LRRC18: variants seen among roughly 807,000 people sequenced by gnomAD.
LRRC18 encodes the protein leucine-rich repeat-containing protein 18.
Under a neutral mutation model 11.2 loss-of-function variants are expected in LRRC18, and 12 were observed. The observed-to-expected ratio is 1.07, with a 90% CI of 0.69 to 1.74. LRRC18 has a LOEUF of 1.74. Among genes scored for constraint, LRRC18 ranks in the 40% most tolerant of loss-of-function variants. The pLI, the probability that LRRC18 is intolerant of heterozygous loss-of-function variation, is 0.00. For missense variants in LRRC18, 374 were observed against 330.5 expected, an observed-to-expected ratio of 1.13 and a Z score of -1.02; for synonymous variants, 155 against 130.6, an observed-to-expected ratio of 1.19 and a Z score of -1.27.
At chr10:48,938,670 C>T in the LRRC18 span, among the ~76,000 whole-genome samples, 4 of 152,156 alleles carry the variant, frequency 2.6e-5, no homozygotes, top group Non-Finnish European at 5.9e-5. Context: ...GTAGGGAAGG[C>T]CCTAAGGCCA....
the LRRC18 span, among the ~76,000 whole-genome samples, chr10:48,937,504 C>T: frequency 6.6e-6 from 1 of 152,162 alleles, no homozygotes; most frequent in African/African-American, 2.4e-5. Context: ...AATTTCACCT[C>T]CCTGGCCTGT....
At chr10:48,927,376 G>A in the LRRC18 span, among the ~76,000 whole-genome samples, 1 of 152,162 alleles carries the variant, frequency 6.6e-6, no homozygotes, top group Non-Finnish European at 1.5e-5. Context: ...GTGGGTGGTG[G>A]GGGGAGGGGA....
the LRRC18 span, among the ~76,000 whole-genome samples, chr10:48,921,090 A>C: frequency 1.3e-5 from 2 of 152,234 alleles, no homozygotes; most frequent in Admixed American, 6.5e-5. Context: ...TCAAAATTAC[A>C]GGAGGATTAT....
At chr10:48,913,783 C>G in exon 1 of LRRC18, 1 of 1,614,058 alleles carries the variant, frequency 6.2e-7, no homozygotes, top group South Asian at 1.1e-5. Flanking sequence ...AGGTTCACAG[C>G]GCGGATGTTC....
the LRRC18 span, among the ~76,000 whole-genome samples, chr10:48,929,552 A>G: frequency 1.2e-4 from 18 of 152,196 alleles, no homozygotes; most frequent in South Asian, 2.1e-4. Context: ...TTCTCTGCCT[A>G]TACTTATTGT....
At chr10:48,925,756 G>C in the LRRC18 span, among the ~76,000 whole-genome samples, 1 of 152,070 alleles carries the variant, frequency 6.6e-6, no homozygotes, top group Admixed American at 6.5e-5. Context: ...ATCTTACAGG[G>C]ACTCCACAGT....
At chr10:48,920,436 C>T in the LRRC18 span, among the ~76,000 whole-genome samples, 4 of 151,960 alleles carry the variant, frequency 2.6e-5, no homozygotes, top group Admixed American at 6.6e-5. Flanking sequence ...TTAATGGGTG[C>T]AGCACACCAA....
chr10:48,935,706 A>G, the LRRC18 span, among the ~76,000 whole-genome samples: 2 of 152,214 alleles, frequency 1.3e-5, no homozygotes, highest in African/African-American at 4.8e-5. Context: ...GAGTAGCTAC[A>G]ATACTCATAA....
At chr10:48,911,106 G>A (rs1837960380) in intron 1 of LRRC18, among the ~76,000 whole-genome samples, 1 of 152,162 alleles carries the variant, frequency 6.6e-6, no homozygotes, top group Non-Finnish European at 1.5e-5. Flanking sequence ...ATAGCAGATT[G>A]GCTCCCTTAT....
chr10:48,937,908 T>TCCCTGCCACACTCTAC, the LRRC18 span, among the ~76,000 whole-genome samples: 2 of 152,086 alleles, frequency 1.3e-5, no homozygotes, highest in African/African-American at 2.4e-5. Flanking sequence ...AACAACTCTG[T>TCCCTGCCACACTCTAC]CCCTGCCACA....
the LRRC18 span, chr10:48,932,750 C>A: frequency 6.6e-6 from 1 of 151,838 alleles, no homozygotes; most frequent in African/African-American, 2.4e-5. Context: ...ACAGAGAATG[C>A]CAAAGTCAGA....
At chr10:48,913,247 G>T in intron 1 of LRRC18, 145 bp downstream of exon 3, 1 of 759,834 alleles carries the variant, frequency 1.3e-6, no homozygotes, top group South Asian at 1.7e-5. Context: ...CACACGCCGA[G>T]AAAGTAAGGA....
the LRRC18 span, among the ~76,000 whole-genome samples, chr10:48,922,008 C>T: frequency 1.3e-5 from 2 of 152,110 alleles, no homozygotes; most frequent in East Asian, 3.8e-4. Context: ...ATACTGAAAC[C>T]TGTTCACAGG....
At chr10:48,918,324 GT>G (rs1301046178), upstream of LRRC18, among the ~76,000 whole-genome samples, 1 of 152,136 alleles carries the variant, frequency 6.6e-6, no homozygotes, top group Non-Finnish European at 1.5e-5. Context: ...CCAATTGTAT[GT>G]TGTCTATAAA....
rs200248208 is a variant in LRRC18 at position 48,910,270 on chromosome 10, G to C, written c.765-12C>G. 6.9e-5 allele frequency: 111 copies of C among 1,613,124 alleles called. No homozygotes were observed. The highest frequency in any genetic ancestry group is 8.6e-5 in the Non-Finnish European group (102 of 1,179,236). Reference sequence around the variant, plus strand: ...ATGTCAAGCGTATTCTGGGGATGGAGACACAAGAAGGTGAGGCAATTGCTC... The same window carrying C: ...ATGTCAAGCGTATTCTGGGGATGGACACACAAGAAGGTGAGGCAATTGCTC... On this transcript the variant is annotated splice_polypyrimidine_tract_variant and intron_variant, in intron 1 of 1. Coordinates refer to ENST00000374160, the Ensembl canonical transcript of LRRC18.
chr10:48,938,964 C>T, the LRRC18 span, among the ~76,000 whole-genome samples: 1 of 152,192 alleles, frequency 6.6e-6, no homozygotes, highest in Non-Finnish European at 1.5e-5. Flanking sequence ...CGCCACAATC[C>T]TCACTGGCTT....
At chr10:48,933,405 A>G in the LRRC18 span, among the ~76,000 whole-genome samples, 1 of 152,216 alleles carries the variant, frequency 6.6e-6, no homozygotes, top group Non-Finnish European at 1.5e-5. Flanking sequence ...CCCTTTCCCA[A>G]GGACTTAGCT....
chr10:48,920,226 C>T, the LRRC18 span, among the ~76,000 whole-genome samples: 1 of 152,060 alleles, frequency 6.6e-6, no homozygotes, highest in Non-Finnish European at 1.5e-5. Context: ...AAGGCCCTTC[C>T]TTATCTGGCT....
the LRRC18 span, among the ~76,000 whole-genome samples, chr10:48,932,018 G>A: frequency 3.6e-3 from 553 of 152,332 alleles, 7 homozygotes; most frequent in African/African-American, 0.013. Flanking sequence ...CATGGGAGCT[G>A]TGAGGCAAAT....
Sources: allele counts gnomAD v4.1 joint callset (sites outside exome capture counted in the v4.1 genomes callset), GRCh38; gene constraint gnomAD v4.1.1; transcripts MANE v1.5; gene names NCBI Gene and HGNC (gene_info 2026-07-23, HGNC 2026-07-21).